The following SUMF1 variants were observed in gnomAD, a reference collection of about 807,000 sequenced individuals.
SUMF1 encodes the protein formylglycine-generating enzyme.
Under a neutral mutation model 47.6 loss-of-function variants are expected in SUMF1, and 48 were observed. The observed-to-expected ratio is 1.01, with a 90% CI of 0.80 to 1.28. The LOEUF (loss-of-function observed/expected upper bound fraction) is 1.28, where lower values mean the gene tolerates loss of function less well. Ranked by LOEUF, SUMF1 falls within the 50% of genes most tolerant of loss-of-function variation. SUMF1 has a pLI of 0.00. For synonymous variants in SUMF1, 230 were observed against 192.1 expected, an observed-to-expected ratio of 1.20 and a Z score of -1.63; for missense variants, 571 against 485.4, an observed-to-expected ratio of 1.18 and a Z score of -1.66.
rs59784747 is a variant in SUMF1, at chr3:4,102,922, CT to C, written c.1015-34178del. Among the ~76,000 whole-genome samples, 1,046 of 143,006 alleles carry C rather than the reference CT, an allele frequency of 7.3e-3. 8 individuals carry two copies. Among genetic ancestry groups the C allele is most frequent in the South Asian group, 0.024 (109 of 4,464 alleles). The allele number at this position is 143,006 out of a possible 152,430, so 93.8% of individuals were successfully genotyped here. On this transcript the variant is annotated intron_variant and NMD_transcript_variant, in intron 8 of 12. Transcript: ENST00000448413. ...AAAATGGATAGATGAACAGAAACTT[CT>C]TTTTTTTTTTTTAATTTGAGATGGA...
rs180770685 is a variant in SUMF1 at position 4,419,272 on chromosome 3, G to A, written c.602+792C>T. On this transcript the variant is annotated intron_variant, in intron 4 of 8. Coordinates refer to ENST00000272902, the MANE Select transcript of SUMF1 (RefSeq NM_182760.4). Reference sequence around the variant, plus strand: ...CCTCGAAGCCTAATTGCAGCACAGCGGCTTCCAATTGAGGCTTTGAAAGAT... The same window carrying A: ...CCTCGAAGCCTAATTGCAGCACAGCAGCTTCCAATTGAGGCTTTGAAAGAT... 1.2e-3 allele frequency among the ~76,000 whole-genome samples: 176 copies of A among 152,250 alleles called. 1 individual carries two copies. Among genetic ancestry groups the A allele is most frequent in the Admixed American group, 2.8e-3 (43 of 15,294 alleles).
At chr3:4,058,460 T>C (rs1695226529) in intron 9 of SUMF1, among the ~76,000 whole-genome samples, 1 of 152,018 alleles carries the variant, frequency 6.6e-6, no homozygotes, top group African/African-American at 2.4e-5. Flanking sequence ...AGATATGGAA[T>C]ACCAAAGGGA....
intron 8 of SUMF1, among the ~76,000 whole-genome samples, chr3:4,183,567 A>G (rs2587950): frequency 0.34 from 51,491 of 151,950 alleles, 8,854 homozygotes; most frequent in East Asian, 0.4. Context: ...ACCTAATTTA[A>G]TTTGAGAGTT....
chr3:4,176,388 G>C (rs909353585), intron 8 of SUMF1, among the ~76,000 whole-genome samples: 1 of 152,106 alleles, frequency 6.6e-6, no homozygotes, highest in Non-Finnish European at 1.5e-5. Context: ...AATATTCAAC[G>C]TTCTTAAAGA....
At position 4,166,990 on chromosome 3, in the gene SUMF1, G is replaced by T. The variant is rs149478403; in HGVS notation, c.1015-98245C>A. On this transcript the variant is annotated intron_variant and NMD_transcript_variant, in intron 8 of 12. Coordinates refer to the SUMF1 transcript ENST00000448413. ...AACAGGTGTCTGATGTTTAGCCTCC[G>T]AATTCTAAGGAAAAATAGGACAGAA... Among the ~76,000 whole-genome samples the T allele has an allele frequency of 2.6e-5, 4 of 152,126 alleles. 1 individual carries two copies. The highest frequency in any genetic ancestry group is 2.6e-4 in the Admixed American group (4 of 15,278).
intron 8 of SUMF1, among the ~76,000 whole-genome samples, chr3:4,314,859 T>C (rs2125104301): frequency 6.6e-6 from 1 of 152,374 alleles, no homozygotes; most frequent in South Asian, 2.1e-4. Context: ...TAATTTAATT[T>C]CTTCTCTAGT....
At chr3:4,438,709 G>A (rs1435952087) in intron 3 of SUMF1, among the ~76,000 whole-genome samples, 3 of 152,016 alleles carry the variant, frequency 2.0e-5, no homozygotes, top group African/African-American at 4.8e-5. Flanking sequence ...ATCTTAAATG[G>A]AGATTTTAAC....
At chr3:4,222,277 G>A (rs986545564) in intron 8 of SUMF1, among the ~76,000 whole-genome samples, 1 of 151,742 alleles carries the variant, frequency 6.6e-6, no homozygotes, top group African/African-American at 2.4e-5. Flanking sequence ...CCACCTCAAG[G>A]AAGCTGCCTT....
intron 8 of SUMF1, among the ~76,000 whole-genome samples, chr3:4,260,489 T>C (rs1400306245): frequency 1.3e-5 from 2 of 152,236 alleles, no homozygotes; most frequent in Non-Finnish European, 2.9e-5. Context: ...TGAGCCTAAT[T>C]TGGCCTGTTG....
chr3:4,230,209 A>G (rs1351307135), intron 8 of SUMF1, among the ~76,000 whole-genome samples: 1 of 151,962 alleles, frequency 6.6e-6, no homozygotes, highest in Non-Finnish European at 1.5e-5. Flanking sequence ...CCAGACACCA[A>G]CCAGTTGTCC....
At chr3:4,392,144 A>T (rs1438606834) in intron 7 of SUMF1, among the ~76,000 whole-genome samples, 1 of 152,064 alleles carries the variant, frequency 6.6e-6, no homozygotes, top group Non-Finnish European at 1.5e-5. Flanking sequence ...CTTTCTCTTG[A>T]TCTACCTTCA....
chr3:4,333,292 C>T (rs1699083934), intron 8 of SUMF1, among the ~76,000 whole-genome samples: 1 of 152,206 alleles, frequency 6.6e-6, no homozygotes, highest in African/African-American at 2.4e-5. Flanking sequence ...AGCTCCTGCA[C>T]CTGTCTGTCT....
intron 8 of SUMF1, among the ~76,000 whole-genome samples, chr3:4,273,942 A>G (rs1394767125): frequency 6.7e-6 from 1 of 150,280 alleles, no homozygotes; most frequent in Non-Finnish European, 1.5e-5. Context: ...GGTTAAAATA[A>G]TAGCCTAGTC....
intron 8 of SUMF1, among the ~76,000 whole-genome samples, chr3:4,375,847 A>C (rs1700310340): frequency 6.6e-6 from 1 of 151,900 alleles, no homozygotes; most frequent in Non-Finnish European, 1.5e-5. Flanking sequence ...GAGAAGAAAC[A>C]CTCTCTGGGA....
intron 9 of SUMF1, among the ~76,000 whole-genome samples, chr3:4,051,218 C>T (rs1695105928): frequency 6.6e-6 from 1 of 151,992 alleles, no homozygotes; most frequent in East Asian, 1.9e-4. Flanking sequence ...CAGAACCAAC[C>T]ACCCCATCCA....
At chr3:4,445,599 C>T (rs1213625601) in intron 3 of SUMF1, among the ~76,000 whole-genome samples, 15 of 152,190 alleles carry the variant, frequency 9.9e-5, no homozygotes, top group African/African-American at 2.9e-4. Context: ...CCTGCTTCGG[C>T]TTCCCAAAGT....
intron 3 of SUMF1, among the ~76,000 whole-genome samples, chr3:4,442,229 G>A (rs1003052623): frequency 6.6e-6 from 1 of 151,716 alleles, no homozygotes; most frequent in Non-Finnish European, 1.5e-5. Context: ...ACGTGTGAAG[G>A]CACTCAAACA....
At chr3:4,300,231 T>C (rs1017525995) in intron 8 of SUMF1, among the ~76,000 whole-genome samples, 2 of 152,316 alleles carry the variant, frequency 1.3e-5, no homozygotes, top group South Asian at 4.1e-4. Context: ...TCACTGCTCC[T>C]GCTTTGACCA....
At chr3:4,244,468 C>T (rs1247583783) in intron 8 of SUMF1, among the ~76,000 whole-genome samples, 2 of 152,290 alleles carry the variant, frequency 1.3e-5, no homozygotes, top group African/African-American at 2.4e-5. Context: ...GACAAAATCT[C>T]TCAGCATTTG....
Sources: allele counts gnomAD v4.1 joint callset (sites outside exome capture counted in the v4.1 genomes callset), GRCh38; gene constraint gnomAD v4.1.1; transcripts MANE v1.5; gene names NCBI Gene and HGNC (gene_info 2026-07-23, HGNC 2026-07-21).